The following CPA6 variants were observed in gnomAD, a reference collection of about 807,000 sequenced individuals.
CPA6 encodes the protein carboxypeptidase B.
In CPA6, 58 loss-of-function variants were observed where a neutral mutation model predicts 63.3. The ratio of observed to expected loss-of-function variants is 0.92; its 90% confidence interval spans 0.74 to 1.14. The LOEUF is 1.14. Among genes scored for constraint, CPA6 ranks in the 50% most tolerant of loss-of-function variants. The pLI is 0.00. For synonymous variants in CPA6, 185 were observed against 179.0 expected (o/e 1.03, Z -0.27); for missense variants, 565 against 526.6 (o/e 1.07, Z -0.71).
At chr8:67,516,727 G>C (rs1812151811) in intron 3 of CPA6, among the ~76,000 whole-genome samples, 1 of 152,088 alleles carries the variant, frequency 6.6e-6, no homozygotes, top group African/African-American at 2.4e-5. Context: ...TTGGTACCCT[G>C]GACCCATCTC....
intron 1 of CPA6, among the ~76,000 whole-genome samples, chr8:67,632,069 A>G (rs1325162609): frequency 1.3e-5 from 2 of 152,150 alleles, no homozygotes; most frequent in East Asian, 3.9e-4. Context: ...ACACATTAAT[A>G]TTTTATTTCA....
intron 10 of CPA6, 35 bp from the exon 11 acceptor site, chr8:67,422,726 C>T (rs533779948): frequency 6.6e-7 from 1 of 1,513,630 alleles, no homozygotes; most frequent in African/African-American, 1.4e-5. Flanking sequence ...AGATCAGCCT[C>T]ACTAAAGAGT....
At chr8:67,685,876 A>G (rs1816699817) in intron 1 of CPA6, among the ~76,000 whole-genome samples, 1 of 152,140 alleles carries the variant, frequency 6.6e-6, no homozygotes. Context: ...TTGCTCTCTT[A>G]TTTCATTCAT....
Position 67,483,756 on chromosome 8 carries a change from T to A in CPA6, c.838+12A>T. 6.2e-7 allele frequency: 1 copy of A among 1,611,654 alleles called. No individual in the cohort carries two copies. The highest frequency in any genetic ancestry group is 8.5e-7 in the Non-Finnish European group (1 of 1,177,776). On this transcript the variant is annotated intron_variant, in intron 8 of 10. Transcript: ENST00000297770. ...ACCTTTGGATCTGGATCCCAGTTGG[T>A]CCCAAACTTACCACACCACTTCACT...
At chr8:67,456,747 T>G (rs533702318) in intron 8 of CPA6, among the ~76,000 whole-genome samples, 1 of 152,304 alleles carries the variant, frequency 6.6e-6, no homozygotes, top group East Asian at 1.9e-4. Context: ...TCTGTAGATG[T>G]GATACATTAA....
At chr8:67,594,645 G>C (rs1026090780) in intron 2 of CPA6, among the ~76,000 whole-genome samples, 8 of 152,020 alleles carry the variant, frequency 5.3e-5, no homozygotes, top group Admixed American at 3.3e-4. Context: ...TTCCATCACT[G>C]ATACCCTTTC....
intron 1 of CPA6, among the ~76,000 whole-genome samples, chr8:67,651,903 C>T (rs967392890): frequency 4.6e-5 from 7 of 152,120 alleles, no homozygotes; most frequent in African/African-American, 1.7e-4. Flanking sequence ...TGCCCCCACC[C>T]CGCAACAGTC....
chr8:67,631,705 A>G (rs147342039), intron 1 of CPA6, among the ~76,000 whole-genome samples: 1 of 152,334 alleles, frequency 6.6e-6, no homozygotes, highest in African/African-American at 2.4e-5. Flanking sequence ...ATTGTTTGCA[A>G]TAACACTTGC....
At chr8:67,698,969 T>G (rs1182128046) in intron 1 of CPA6, among the ~76,000 whole-genome samples, 1 of 152,168 alleles carries the variant, frequency 6.6e-6, no homozygotes, top group Non-Finnish European at 1.5e-5. Context: ...GGCAGGCCAC[T>G]CTGCACAAGG....
At chr8:67,592,446 A>G (rs980108270) in intron 2 of CPA6, among the ~76,000 whole-genome samples, 3 of 152,012 alleles carry the variant, frequency 2.0e-5, no homozygotes, top group African/African-American at 4.8e-5. Context: ...TGATTGGAAT[A>G]GTTTCAGAAG....
chr8:67,642,248 G>A (rs1171178980), intron 1 of CPA6, among the ~76,000 whole-genome samples: 1 of 151,710 alleles, frequency 6.6e-6, no homozygotes. Context: ...AACCTGGGAG[G>A]CAGAGGTTGC....
At chr8:67,717,011 T>G (rs1817397093) in intron 1 of CPA6, among the ~76,000 whole-genome samples, 1 of 152,142 alleles carries the variant, frequency 6.6e-6, no homozygotes, top group African/African-American at 2.4e-5. Flanking sequence ...GCAGCCCTTG[T>G]TGAGGGAAGA....
At chr8:67,522,468 GA>G (rs1228581012) in intron 2 of CPA6, among the ~76,000 whole-genome samples, 2 of 152,220 alleles carry the variant, frequency 1.3e-5, no homozygotes, top group Admixed American at 1.3e-4. Flanking sequence ...ACAGGAGTGA[GA>G]AAAAACTGCT....
At chr8:67,538,950 C>T (rs776493183) in intron 2 of CPA6, among the ~76,000 whole-genome samples, 6 of 152,166 alleles carry the variant, frequency 3.9e-5, no homozygotes, top group African/African-American at 7.2e-5. Context: ...TGAGCCACCA[C>T]GCCCGGCCCA....
chr8:67,519,794 T>C (rs1030646917), intron 2 of CPA6, among the ~76,000 whole-genome samples: 1 of 152,240 alleles, frequency 6.6e-6, no homozygotes, highest in Non-Finnish European at 1.5e-5. Context: ...TAGGTGTGTC[T>C]AAACCACATC....
intron 1 of CPA6, among the ~76,000 whole-genome samples, chr8:67,701,342 G>T (rs117083469): frequency 0.012 from 1,900 of 152,208 alleles, 16 homozygotes; most frequent in Non-Finnish European, 0.02. Flanking sequence ...ATCTCTCAGG[G>T]TGTCACGAAG....
At chr8:67,688,393 T>C (rs1816748811) in intron 1 of CPA6, among the ~76,000 whole-genome samples, 1 of 152,160 alleles carries the variant, frequency 6.6e-6, no homozygotes, top group African/African-American at 2.4e-5. Flanking sequence ...CCCTTGATTC[T>C]TGAACAGGAC....
At chr8:67,726,555 G>A (rs1402285174) in intron 1 of CPA6, among the ~76,000 whole-genome samples, 1 of 152,104 alleles carries the variant, frequency 6.6e-6, no homozygotes, top group Non-Finnish European at 1.5e-5. Context: ...TGTTATAGGG[G>A]AATACATATG....
Position 67,528,563 on chromosome 8 carries a change from C to T in CPA6, c.193-10516G>A, listed in dbSNP as rs528225373. The stretch of plus-strand genomic sequence containing the variant: ...TTCCTATGACCAGTCTAGACATAGA[C>T]CCTCCAGATTCCCATTCTTTGCCTC... On this transcript the variant is annotated intron_variant, in intron 2 of 10. Transcript: ENST00000297770. Among the ~76,000 whole-genome samples the T allele has an allele frequency of 2.0e-5, 3 of 152,096 alleles. No individual in the cohort carries two copies. The East Asian group carries it at 5.8e-4, about 29-fold the overall frequency.
Sources: gnomAD v4.1 joint callset for allele counts (sites outside exome capture counted in the v4.1 genomes callset) on GRCh38, gnomAD v4.1.1 for gene constraint, MANE v1.5 for transcripts, NCBI Gene and HGNC (gene_info 2026-07-23, HGNC 2026-07-21) for gene names.